The following FBN1 variants were observed in gnomAD, a reference collection of about 807,000 sequenced individuals.
FBN1 encodes the protein fibrillin 1.
In FBN1, 29 loss-of-function variants were observed where a neutral mutation model predicts 365.1. The observed-to-expected ratio is 0.08, with a 90% confidence interval of 0.06 to 0.11. FBN1 has a LOEUF of 0.11. Among genes scored for constraint, FBN1 ranks in the 10% least tolerant of loss-of-function variants. FBN1 has a pLI of 1.00. For missense variants in FBN1, 2,476 were observed against 3,703.2 expected (o/e 0.67, Z 8.60); for synonymous variants, 1,210 against 1,270.5 (o/e 0.95, Z 1.01).
chr15:48,435,768 G>GTATA (rs371770634), intron 53 of FBN1, among the ~76,000 whole-genome samples: 17,252 of 110,880 alleles, frequency 0.16, 4,135 homozygotes, highest in East Asian at 0.51. Context: ...ATATATATGT[G>GTATA]TATATGTGTG....
intron 46 of FBN1, among the ~76,000 whole-genome samples, chr15:48,447,986 A>C (rs1403340872): frequency 6.6e-6 from 1 of 152,162 alleles, no homozygotes; most frequent in African/African-American, 2.4e-5. Context: ...GTTGGGCAGG[A>C]TCATCATAGC....
intron 2 of FBN1, among the ~76,000 whole-genome samples, chr15:48,613,342 T>C (rs973587926): frequency 2.0e-5 from 3 of 152,134 alleles, no homozygotes; most frequent in Non-Finnish European, 2.9e-5. Context: ...AGATACAAAA[T>C]GTAGCACATT....
intron 43 of FBN1, among the ~76,000 whole-genome samples, chr15:48,457,004 C>T (rs2043246046): frequency 6.6e-6 from 1 of 152,008 alleles, no homozygotes; most frequent in South Asian, 2.1e-4. Flanking sequence ...TTCAGAATGT[C>T]AATTTTGTAC....
chr15:48,532,003 T>C (rs1157647287), intron 8 of FBN1, among the ~76,000 whole-genome samples: 3 of 152,222 alleles, frequency 2.0e-5, no homozygotes, highest in Non-Finnish European at 4.4e-5. Flanking sequence ...AATTTTTGTG[T>C]GTGGAAAAGG....
At chr15:48,477,828 C>T (rs758099418) in intron 32 of FBN1, among the ~76,000 whole-genome samples, 4 of 152,106 alleles carry the variant, frequency 2.6e-5, no homozygotes, top group Non-Finnish European at 4.4e-5. Flanking sequence ...AAAGTGACAC[C>T]GCAACCTTCT....
intron 50 of FBN1, among the ~76,000 whole-genome samples, chr15:48,441,319 T>A (rs2043113075): frequency 6.6e-6 from 1 of 152,104 alleles, no homozygotes; most frequent in South Asian, 2.1e-4. Flanking sequence ...GGCAAATGGG[T>A]TAATGTGCAG....
chr15:48,425,625 C>G (rs2042973244), intron 59 of FBN1, 114 bp downstream of exon 59: 1 of 1,526,264 alleles, frequency 6.6e-7, no homozygotes, highest in Non-Finnish European at 9.1e-7. Context: ...TGATGATTGT[C>G]CTGTGCTTTC....
At chr15:48,505,276 G>C in intron 15 of FBN1, 129 bp from the exon 16 acceptor site, 2 of 1,058,302 alleles carry the variant, frequency 1.9e-6, no homozygotes, top group South Asian at 2.7e-5. Context: ...AGCAACAAAA[G>C]CTCAAATGGC....
intron 28 of FBN1, 55 bp downstream of exon 28, chr15:48,487,257 G>C: frequency 6.2e-7 from 1 of 1,614,166 alleles, no homozygotes; most frequent in Non-Finnish European, 8.5e-7. Flanking sequence ...CTTTGGCAAT[G>C]ATGTCATTCA....
intron 6 of FBN1, among the ~76,000 whole-genome samples, chr15:48,557,811 T>C (rs1293491522): frequency 2.0e-5 from 3 of 152,206 alleles, no homozygotes; most frequent in Non-Finnish European, 4.4e-5. Context: ...TATCAGTTGA[T>C]ATGCTTGCAT....
chr15:48,570,557 TG>T (rs1404199962), intron 6 of FBN1, among the ~76,000 whole-genome samples: 1 of 152,158 alleles, frequency 6.6e-6, no homozygotes, highest in Non-Finnish European at 1.5e-5. Context: ...GTCATCCTCA[TG>T]AAATTCATGA....
At chr15:48,429,943 T>C (rs1470087203) in intron 56 of FBN1, among the ~76,000 whole-genome samples, 1 of 152,226 alleles carries the variant, frequency 6.6e-6, no homozygotes, top group Non-Finnish European at 1.5e-5. Flanking sequence ...TCAGGAAACT[T>C]TTTGTTAGGG....
At chr15:48,626,736 A>G (rs958897231) in intron 2 of FBN1, among the ~76,000 whole-genome samples, 2 of 152,186 alleles carry the variant, frequency 1.3e-5, no homozygotes, top group South Asian at 2.1e-4. Context: ...AAATTGAAAC[A>G]AAGTTGTAAG....
chr15:48,467,245 T>C (rs2043330642), intron 38 of FBN1, among the ~76,000 whole-genome samples: 1 of 152,210 alleles, frequency 6.6e-6, no homozygotes, highest in African/African-American at 2.4e-5. Context: ...GTCTAATTCA[T>C]CTTTGCACAT....
At chr15:48,571,151 A>G (rs1369814765) in intron 6 of FBN1, among the ~76,000 whole-genome samples, 1 of 152,214 alleles carries the variant, frequency 6.6e-6, no homozygotes, top group East Asian at 1.9e-4. Context: ...CTGGTCCAAC[A>G]TTTTAGCAAC....
intron 12 of FBN1, among the ~76,000 whole-genome samples, 190 bp downstream of exon 12, chr15:48,515,197 A>C (rs1287683186): frequency 6.6e-6 from 1 of 152,236 alleles, no homozygotes; most frequent in Non-Finnish European, 1.5e-5. Flanking sequence ...AGCCCTCCCA[A>C]CACCTGGATG....
chr15:48,465,904 T>C, intron 38 of FBN1, 46 bp from the exon 39 acceptor site: 1 of 1,332,186 alleles, frequency 7.5e-7, no homozygotes, highest in Non-Finnish European at 1.1e-6. Context: ...ATCTAAAGTT[T>C]TTAGAAATAG....
At chr15:48,451,494 C>T (rs1435458517) in intron 45 of FBN1, among the ~76,000 whole-genome samples, 2 of 152,088 alleles carry the variant, frequency 1.3e-5, no homozygotes, top group African/African-American at 4.8e-5. Flanking sequence ...TTGGCAATTA[C>T]ACCCTCTTCC....
intron 2 of FBN1, among the ~76,000 whole-genome samples, chr15:48,623,968 AAC>A (rs145521473): frequency 0.079 from 11,517 of 146,392 alleles, 477 homozygotes; most frequent in East Asian, 0.17. Context: ...CAAAGACACA[AAC>A]ACACACACAC....
Sources: gnomAD v4.1 joint callset for allele counts (sites outside exome capture counted in the v4.1 genomes callset) on GRCh38, gnomAD v4.1.1 for gene constraint, MANE v1.5 for transcripts, NCBI Gene and HGNC (gene_info 2026-07-23, HGNC 2026-07-21) for gene names.